Variants in NPC1 observed in about 807,000 individuals in gnomAD.
NPC1 encodes NPC intracellular cholesterol transporter 1.
NPC1 carries 85 observed loss-of-function variants against 140.4 expected under a neutral mutation model. That is an observed-to-expected ratio of 0.61 (90% CI 0.51 to 0.72). The LOEUF is 0.72. Ranked by LOEUF, NPC1 falls within the 30% of genes least tolerant of loss-of-function variation. The probability of loss-of-function intolerance (pLI) is 0.00; values close to 1 mark genes in which losing one functional copy is unlikely to be tolerated. For missense variants in NPC1, 1,504 were observed against 1,623.8 expected (o/e 0.93, Z 1.27); for synonymous variants, 656 against 624.8 (o/e 1.05, Z -0.74).
chr18:23,545,301 G>A, intron 11 of NPC1, 152 bp from the exon 12 acceptor site: 1 of 654,732 alleles, frequency 1.5e-6, no homozygotes. Flanking sequence ...GAAGTGCAAT[G>A]GCGCAATCTC....
chr18:23,510,289 C>T (rs1598849118), intron 3 of NPC1, among the ~76,000 whole-genome samples: 1 of 151,254 alleles, frequency 6.6e-6, no homozygotes, highest in African/African-American at 2.4e-5. Flanking sequence ...CACAGCACTG[C>T]ACTCCAGCCT....
At chr18:23,567,145 C>G (rs966218757) in intron 4 of NPC1, among the ~76,000 whole-genome samples, 4 of 152,172 alleles carry the variant, frequency 2.6e-5, no homozygotes, top group Admixed American at 6.5e-5. Context: ...TACAAATATC[C>G]ACGTGCAGGT....
chr18:23,514,389 C>G (rs769412810), intron 3 of NPC1, among the ~76,000 whole-genome samples: 1 of 152,056 alleles, frequency 6.6e-6, no homozygotes, highest in Non-Finnish European at 1.5e-5. Context: ...TCTACTGTCT[C>G]AAAATAAAAA....
rs773375065 is a variant in NPC1 at position 23,541,221 on chromosome 18, A to G, written c.2374-13T>C. 10 of 1,614,116 alleles carry G rather than the reference A, an allele frequency of 6.2e-6. No individual in the cohort carries two copies. The highest frequency in any genetic ancestry group is 2.7e-5 in the African/African-American group (2 of 74,954). ...CTAGCCGATTTTTCTGAGGGGACAG[A>G]GGGAAACAAAGGTTATACCCGCTAG... On this transcript the variant is annotated splice_polypyrimidine_tract_variant and intron_variant, in intron 15 of 24. Transcript: ENST00000269228.
At chr18:23,576,418 T>C (rs1015582394) in intron 1 of NPC1, 1 of 945,362 alleles carries the variant, frequency 1.1e-6, no homozygotes, top group Non-Finnish European at 1.3e-6. Context: ...TGAAAACTGG[T>C]CTCAAAAAAA....
chr18:23,530,692 C>A, downstream of NPC1: 4 of 1,370,776 alleles, frequency 2.9e-6, no homozygotes, highest in African/African-American at 1.5e-5. Context: ...TGGGCGAGGA[C>A]CCTGGGTTAG....
chr18:23,552,451 T>C (rs1453276113), intron 9 of NPC1, among the ~76,000 whole-genome samples: 1 of 152,234 alleles, frequency 6.6e-6, no homozygotes, highest in Non-Finnish European at 1.5e-5. Context: ...TTTGGATTTT[T>C]ATTCTGGAGG....
At chr18:23,556,739 G>T (rs1204917488) in intron 7 of NPC1, 126 bp from the exon 8 acceptor site, 5 of 1,447,702 alleles carry the variant, frequency 3.5e-6, no homozygotes. Context: ...ACACATATGA[G>T]ACCCCTGCCC....
chr18:23,566,352 C>A (rs2059123092), intron 4 of NPC1, among the ~76,000 whole-genome samples: 1 of 152,142 alleles, frequency 6.6e-6, no homozygotes, highest in South Asian at 2.1e-4. Context: ...TCACTGTATT[C>A]CAGCCTGGGT....
rs1669687586 is a variant in NPC1 at position 23,536,787 on chromosome 18, A to G, written c.3131T>C (p.Val1044Ala). The G allele has an allele frequency of 1.2e-6, 2 of 1,614,178 alleles. No individual in the cohort carries two copies. Among genetic ancestry groups the G allele is most frequent in the Non-Finnish European group, 1.7e-6 (2 of 1,180,018 alleles). The part of the protein sequence containing the change: ...GATYFMTYHT[V>A]LQTSADFIDA... ...AATAAAGTCAGCAGAGGTCTGCAGC[A>G]CGGTGTGGTAGGTCATGAAGTACGT... The change falls in exon 21 of 25, where the codon GTG becomes GCG. Residue 1044 changes from valine to alanine, a missense_variant. Transcript: ENST00000269228.
Position 23,545,097 on chromosome 18 carries a change from T to C in NPC1, c.1810A>G (p.Thr604Ala). 1 of 1,613,568 alleles carries C rather than the reference T, an allele frequency of 6.2e-7. No homozygotes were observed. The highest frequency in any genetic ancestry group is 8.5e-7 in the Non-Finnish European group (1 of 1,179,486). ...YKNPNLTISF[T>A]AERSIEDELN... ...TCATCTTCAATACTTCGTTCAGCAG[T>C]GAAGGAAATGGTCAGATTGGGATTC... is the stretch of plus-strand genomic sequence containing the variant. Residue 604 changes from threonine (T) to alanine (A), a missense_variant, in exon 12 of 25, where the codon ACT becomes GCT. Transcript: ENST00000269228.
chr18:23,584,653 T>C (rs1251654091), intron 1 of NPC1, among the ~76,000 whole-genome samples: 1 of 152,102 alleles, frequency 6.6e-6, no homozygotes, highest in East Asian at 1.9e-4. Context: ...GAGGTCAGGA[T>C]TTCGAGACCA....
At chr18:23,548,850 G>T (rs1395123741) in intron 10 of NPC1, among the ~76,000 whole-genome samples, 11 of 152,130 alleles carry the variant, frequency 7.2e-5, no homozygotes, top group Non-Finnish European at 1.5e-5. Context: ...AAGTACAGTG[G>T]TGCAATCGCG....
At chr18:23,577,633 T>G (rs1175106368) in intron 1 of NPC1, among the ~76,000 whole-genome samples, 1 of 152,250 alleles carries the variant, frequency 6.6e-6, no homozygotes, top group East Asian at 1.9e-4. Context: ...GCGCCTGCAT[T>G]CCTCAGCCCT....
intron 1 of NPC1, among the ~76,000 whole-genome samples, chr18:23,523,955 C>T (rs2058219264): frequency 6.6e-6 from 1 of 152,142 alleles, no homozygotes; most frequent in Admixed American, 6.5e-5. Context: ...TAGCTCCTTC[C>T]CCCTTCCTCC....
chr18:23,544,302 A>G lies in NPC1; in HGVS notation c.2130+42T>C, dbSNP rs756499636. Reference sequence around the variant, plus strand: ...CCAGGAGCCATTCACAGTCCCTGAAACTTGAACAGATGCTGAGCCCTGTGA... The same window carrying G: ...CCAGGAGCCATTCACAGTCCCTGAAGCTTGAACAGATGCTGAGCCCTGTGA... On this transcript the variant is annotated intron_variant, in intron 13 of 24. Transcript: ENST00000269228. 4 of 1,598,926 alleles carry G rather than the reference A, an allele frequency of 2.5e-6. No homozygotes were observed. In the South Asian group the frequency reaches 4.4e-5, roughly 18 times the overall value.
chr18:23,528,076 A>G, downstream of NPC1: 3 of 555,690 alleles, frequency 5.4e-6, no homozygotes, highest in Non-Finnish European at 3.1e-6. Context: ...TAGTAAATTC[A>G]GGGTCCCTGC....
chr18:23,534,334 C>T (rs2058591724), intron 23 of NPC1, 112 bp downstream of exon 23: 1 of 774,018 alleles, frequency 1.3e-6, no homozygotes, highest in Non-Finnish European at 2.2e-6. Context: ...TGCCTGAAAG[C>T]TTGCAATCCT....
intron 8 of NPC1, among the ~76,000 whole-genome samples, chr18:23,555,461 G>C (rs1227986912): frequency 2.6e-5 from 4 of 152,346 alleles, no homozygotes; most frequent in Non-Finnish European, 4.4e-5. Context: ...TTCACCTTCA[G>C]CAACAAGCTG....
Sources: gnomAD v4.1 joint callset for allele counts (sites outside exome capture counted in the v4.1 genomes callset) on GRCh38, gnomAD v4.1.1 for gene constraint, MANE v1.5 for transcripts, NCBI Gene and HGNC (gene_info 2026-07-23, HGNC 2026-07-21) for gene names.